Variants in CORIN observed in about 807,000 individuals in gnomAD.
The protein encoded by CORIN is atrial natriuretic peptide-converting enzyme.
A neutral mutation model predicts 125.3 loss-of-function variants in CORIN; 117 were observed. The observed-to-expected ratio is 0.93, with a 90% CI of 0.80 to 1.09. The LOEUF (loss-of-function observed/expected upper bound fraction) is 1.09. CORIN is among the 50% of genes least tolerant of loss of function. The pLI, the probability that CORIN is intolerant of heterozygous loss-of-function variation, is 0.00. For missense variants in CORIN, 1,253 were observed against 1,306.7 expected, an observed-to-expected ratio of 0.96 and a Z score of 0.63; for synonymous variants, 450 against 466.4, an observed-to-expected ratio of 0.96 and a Z score of 0.45.
Position 47,665,268 on chromosome 4 carries a change from C to T in CORIN, c.1358-5G>A, listed in dbSNP as rs371052502. The T allele has an allele frequency of 6.3e-7, 1 of 1,586,344 alleles. No homozygotes were observed. Among genetic ancestry groups the T allele is most frequent in the African/African-American group, 1.4e-5 (1 of 74,002 alleles). The stretch of plus-strand genomic sequence containing the variant: ...ATGTAATTGGTTCACATTGACCTAA[C>T]AAAGAAACATACACACAAATATTTT... On this transcript the variant is annotated splice_polypyrimidine_tract_variant and splice_region_variant and intron_variant, in intron 10 of 21. Transcript: ENST00000273857.
In CORIN at chr4:47,646,321, G is replaced by A. The variant is rs1723482753; in HGVS notation, c.1844-1127C>T. Among the ~76,000 whole-genome samples, 3 of 152,234 alleles carry A rather than the reference G, an allele frequency of 2.0e-5. No individual in the cohort carries two copies. In the South Asian group the frequency reaches 6.2e-4, roughly 32 times the overall value. On this transcript the variant is annotated intron_variant, in intron 13 of 21. Transcript: ENST00000273857. ...GCTCCTTCTATGCCAAACAAAACTA[G>A]TTTAAGAGCCAGGTGCAAAAGCTAT...
chr4:47,683,467 A>G (rs543494800), intron 7 of CORIN: 2 of 302,678 alleles, frequency 6.6e-6, no homozygotes, highest in East Asian at 1.5e-4. Flanking sequence ...AGGAAAAAAA[A>G]CTATTAATGC....
chr4:47,792,190 GA>G (rs1731111557), intron 2 of CORIN, among the ~76,000 whole-genome samples: 1 of 152,118 alleles, frequency 6.6e-6, no homozygotes, highest in East Asian at 1.9e-4. Flanking sequence ...AAAAACATAT[GA>G]AAAGGCCCAG....
intron 16 of CORIN, among the ~76,000 whole-genome samples, chr4:47,629,240 G>C (rs1240228060): frequency 6.6e-6 from 1 of 152,092 alleles, no homozygotes; most frequent in African/African-American, 2.4e-5. Flanking sequence ...CATTTTAACA[G>C]ATATGAGGTG....
At chr4:47,757,893 T>TATATATAC (rs1553916089) in intron 4 of CORIN, among the ~76,000 whole-genome samples, 3 of 144,792 alleles carry the variant, frequency 2.1e-5, no homozygotes, top group African/African-American at 7.6e-5. Context: ...TATATATATA[T>TATATATAC]ATATATATAT....
intron 5 of CORIN, among the ~76,000 whole-genome samples, chr4:47,707,813 A>C (rs1726648600): frequency 6.6e-6 from 1 of 152,200 alleles, no homozygotes; most frequent in Non-Finnish European, 1.5e-5. Context: ...GCAGGGGCTA[A>C]AGAAGAGGGG....
At chr4:47,792,807 G>C (rs1489462376) in intron 2 of CORIN, among the ~76,000 whole-genome samples, 2 of 152,150 alleles carry the variant, frequency 1.3e-5, no homozygotes, top group Admixed American at 6.5e-5. Context: ...CATCACAAAG[G>C]CTCAAGATGG....
intron 14 of CORIN, 120 bp from the exon 15 acceptor site, chr4:47,643,376 AG>A: frequency 1.2e-6 from 1 of 854,830 alleles, no homozygotes; most frequent in South Asian, 1.8e-5. Context: ...GTGATCACTG[AG>A]GCTTCCAAAC....
intron 1 of CORIN, among the ~76,000 whole-genome samples, chr4:47,821,839 G>A (rs1315649168): frequency 6.6e-6 from 1 of 152,148 alleles, no homozygotes; most frequent in Non-Finnish European, 1.5e-5. Context: ...AGATCCAAAT[G>A]AGAACAGACT....
intron 6 of CORIN, 88 bp from the exon 7 acceptor site, chr4:47,683,926 G>A (rs1026206296): frequency 8.6e-6 from 8 of 929,826 alleles, no homozygotes; most frequent in Non-Finnish European, 1.1e-5. Context: ...AATCATGGAA[G>A]GGACACCCTA....
At position 47,725,956 on chromosome 4, in the gene CORIN, C is replaced by G. The variant is rs28837164; in HGVS notation, c.799+18446G>C. On this transcript the variant is annotated intron_variant, in intron 5 of 21. Transcript: ENST00000273857. ...CCTGCCATAAAATGAGCAAAAGATA[C>G]GAACAGACACTTCATAAAGGTGATA... 4.6e-5 allele frequency among the ~76,000 whole-genome samples: 7 copies of G among 152,034 alleles called. 1 individual carries two copies. The highest frequency in any genetic ancestry group is 2.6e-4 in the Admixed American group (4 of 15,258).
At chr4:47,612,510 C>G (rs1721909577) in intron 19 of CORIN, among the ~76,000 whole-genome samples, 1 of 152,148 alleles carries the variant, frequency 6.6e-6, no homozygotes, top group Non-Finnish European at 1.5e-5. Context: ...CCAAGTGTTT[C>G]TACACACTTT....
intron 4 of CORIN, among the ~76,000 whole-genome samples, chr4:47,761,403 G>C (rs1729451266): frequency 1.3e-5 from 2 of 151,990 alleles, no homozygotes; most frequent in Admixed American, 1.3e-4. Context: ...GCGAGGGAGA[G>C]AGACAATGGA....
chr4:47,653,431 A>G (rs1723824757), intron 13 of CORIN, 122 bp downstream of exon 13: 2 of 752,544 alleles, frequency 2.7e-6, no homozygotes, highest in Non-Finnish European at 4.4e-6. Context: ...TTTAAGAAGT[A>G]AAGACATTAG....
chr4:47,645,178 A>ATC lies in CORIN; in HGVS notation c.1858_1859dup (p.Asp620GlufsTer13), dbSNP rs773653221. The ATC allele has an allele frequency of 1.2e-6, 2 of 1,603,036 alleles. No homozygotes were observed. Among genetic ancestry groups the ATC allele is most frequent in the African/African-American group, 1.3e-5 (1 of 74,660 alleles). ...GTTTATTGGATGGACATTCCCAAAGATCTCTCTCTTTACAACCTAGAGACA... is the reference window on the plus strand; with the variant it reads ...GTTTATTGGATGGACATTCCCAAAGATCTCTCTCTCTTTACAACCTAGAGACA... On this transcript the variant is annotated frameshift_variant, in exon 14 of 22. Transcript: ENST00000273857. LOFTEE classifies it high-confidence loss of function.
chr4:47,818,904 C>T (rs940659713), intron 1 of CORIN, among the ~76,000 whole-genome samples: 1 of 148,458 alleles, frequency 6.7e-6, no homozygotes, highest in Non-Finnish European at 1.5e-5. Flanking sequence ...AAAGATTGGA[C>T]AACTATGCCA....
intron 11 of CORIN, among the ~76,000 whole-genome samples, chr4:47,664,633 T>C (rs918003340): frequency 2.0e-5 from 3 of 152,216 alleles, no homozygotes; most frequent in Admixed American, 2.0e-4. Context: ...TGTATTCTTA[T>C]GTCATATCTC....
chr4:47,640,749 A>G (rs1301578661), intron 16 of CORIN, among the ~76,000 whole-genome samples: 2 of 152,314 alleles, frequency 1.3e-5, no homozygotes, highest in African/African-American at 2.4e-5. Flanking sequence ...TAGAACAGCT[A>G]TGTTCAGGGT....
At chr4:47,830,564 G>A (rs528486239) in intron 1 of CORIN, among the ~76,000 whole-genome samples, 1 of 152,332 alleles carries the variant, frequency 6.6e-6, no homozygotes, top group South Asian at 2.1e-4. Flanking sequence ...TGTCTCCTAA[G>A]TGCCTAATAA....
Sources: allele counts gnomAD v4.1 joint callset (sites outside exome capture counted in the v4.1 genomes callset), GRCh38; gene constraint gnomAD v4.1.1; transcripts MANE v1.5; gene names NCBI Gene and HGNC (gene_info 2026-07-23, HGNC 2026-07-21).